OTC: variants seen among roughly 807,000 people sequenced by gnomAD.
The protein encoded by OTC is ornithine transcarbamylase, mitochondrial.
In OTC, 3 loss-of-function variants were observed where a neutral mutation model predicts 30.3. The ratio of observed to expected loss-of-function variants is 0.10; its 90% confidence interval spans 0.05 to 0.26. The LOEUF (loss-of-function observed/expected upper bound fraction) is 0.26, where lower values mean the gene tolerates loss of function less well. Ranked by LOEUF, OTC falls within the 10% of genes least tolerant of loss-of-function variation. The pLI is 1.00. For synonymous variants in OTC, 111 were observed against 99.7 expected (o/e 1.11, Z -0.67); for missense variants, 194 against 260.3 (o/e 0.75, Z 1.75).
At chrX:38,383,758 A>G (rs1365001575) in intron 4 of OTC, among the ~76,000 whole-genome samples, 1 of 108,703 alleles carries the variant, frequency 9.2e-6, no homozygotes, top group Non-Finnish European at 1.9e-5. Context: ...AGATAGCGCC[A>G]TTGCACTCCA....
chrX:38,371,450 C>A (rs1602016465), intron 3 of OTC, among the ~76,000 whole-genome samples: 1 of 111,424 alleles, frequency 9.0e-6, no homozygotes. Context: ...GAGGAAGTAC[C>A]GCAAACAAAA....
the OTC span, among the ~76,000 whole-genome samples, chrX:38,344,032 T>C: frequency 9.0e-6 from 1 of 111,245 alleles, no homozygotes; most frequent in African/African-American, 3.3e-5. Flanking sequence ...ACCATTACCA[T>C]CTGTTAATTA....
intron 1 of OTC, among the ~76,000 whole-genome samples, chrX:38,366,554 C>G (rs1050482597): frequency 1.8e-5 from 2 of 111,776 alleles, no homozygotes; most frequent in African/African-American, 6.5e-5. Flanking sequence ...TAAAAGTTAT[C>G]AAATACTTAT....
chrX:38,391,873 T>C (rs1429512463), intron 4 of OTC, among the ~76,000 whole-genome samples: 1 of 111,496 alleles, frequency 9.0e-6, no homozygotes, highest in Admixed American at 9.6e-5. Flanking sequence ...TGAATGATAT[T>C]TTGTCTGATT....
At chrX:38,357,970 C>T (rs1280806853) in intron 1 of OTC, among the ~76,000 whole-genome samples, 3 of 111,769 alleles carry the variant, frequency 2.7e-5, no homozygotes, top group Non-Finnish European at 5.6e-5. Flanking sequence ...TATCCTCCCT[C>T]TTATGTGCAG....
At chrX:38,379,697 C>T (rs1486896816) in intron 3 of OTC, among the ~76,000 whole-genome samples, 3 of 109,807 alleles carry the variant, frequency 2.7e-5, no homozygotes, top group African/African-American at 1.0e-4. Context: ...TGCAGTGGCG[C>T]GATCTCACTG....
downstream of OTC, among the ~76,000 whole-genome samples, chrX:38,422,920 G>A (rs1250482816): frequency 8.9e-6 from 1 of 111,751 alleles, no homozygotes; most frequent in Non-Finnish European, 1.9e-5. Context: ...AATAAATCCT[G>A]TCACCTAATA....
At chrX:38,407,715 C>A (rs895756970) in intron 6 of OTC, among the ~76,000 whole-genome samples, 2 of 111,796 alleles carry the variant, frequency 1.8e-5, no homozygotes, top group Non-Finnish European at 3.8e-5. Flanking sequence ...GGCTTTCCTG[C>A]AGCAAGATGT....
the OTC span, among the ~76,000 whole-genome samples, chrX:38,343,484 G>T: frequency 8.9e-6 from 1 of 112,224 alleles, no homozygotes; most frequent in African/African-American, 3.2e-5. Context: ...AGAGAACCTC[G>T]TGCTTTGCAT....
chrX:38,389,950 A>G (rs1224151132), intron 4 of OTC, among the ~76,000 whole-genome samples: 1 of 112,059 alleles, frequency 8.9e-6, no homozygotes, highest in Non-Finnish European at 1.9e-5. Flanking sequence ...GATCTAACCC[A>G]ATCTCAAGAC....
chrX:38,330,646 T>C, the OTC span, among the ~76,000 whole-genome samples: 5 of 112,127 alleles, frequency 4.5e-5, no homozygotes, highest in Non-Finnish European at 9.4e-5. Context: ...GTGTGGACCC[T>C]TGAGGGTCCC....
In OTC at chrX:38,370,711, A is replaced by G. The variant is rs1240561362; in HGVS notation, c.298+834A>G. Among the ~76,000 whole-genome samples, 10 of 109,932 alleles carry G rather than the reference A, an allele frequency of 9.1e-5. No individual in the cohort carries two copies. In the Admixed American group the frequency reaches 9.7e-4, roughly 11 times the overall value. ...GAGAGGCGGGAAGACAACTAGCAGG[A>G]CTCTTGCTCTGCTGAGAGTCCCTGT... On this transcript the variant is annotated intron_variant, in intron 3 of 9. Transcript: ENST00000039007.
chrX:38,349,046 AAAG>A (rs1031928807), upstream of OTC, among the ~76,000 whole-genome samples: 2 of 111,470 alleles, frequency 1.8e-5, no homozygotes, highest in Non-Finnish European at 3.8e-5. Flanking sequence ...GCCAGGGGGA[AAAG>A]AAGAAGAAGC....
At chrX:38,332,523 T>TATATATATATATATATATATATAC in the OTC span, among the ~76,000 whole-genome samples, 236 of 86,342 alleles carry the variant, frequency 2.7e-3, 2 homozygotes, top group African/African-American at 7.2e-3. Flanking sequence ...TATATATATA[T>TATATATATATATATATATATATAC]ATATATATAT....
the OTC span, among the ~76,000 whole-genome samples, chrX:38,344,647 G>C: frequency 9.0e-6 from 1 of 111,422 alleles, no homozygotes; most frequent in Non-Finnish European, 1.9e-5. Flanking sequence ...CATAGGGAGA[G>C]AATCTTTGTT....
chrX:38,420,383 G>A (rs1421095711), intron 9 of OTC, among the ~76,000 whole-genome samples: 3 of 111,422 alleles, frequency 2.7e-5, no homozygotes, highest in Non-Finnish European at 5.7e-5. Context: ...ATGGTACTTA[G>A]TATTCTATCT....
At position 38,401,431 on chromosome X, in the gene OTC, T is replaced by G; in HGVS notation, c.540+3T>G. 8.3e-7 allele frequency: 1 copy of G among 1,199,477 alleles called. No homozygotes were observed. Among genetic ancestry groups the G allele is most frequent in the African/African-American group, 1.7e-5 (1 of 57,654 alleles). ...TGGCTGATTACCTCACGCTCCAGGT[T>G]GGTTTATTTATTTGTCTTACAAAAG... On this transcript the variant is annotated splice_donor_region_variant and intron_variant, in intron 5 of 9. Transcript: ENST00000039007.
At chrX:38,386,049 T>C (rs2147333113) in intron 4 of OTC, among the ~76,000 whole-genome samples, 1 of 108,553 alleles carries the variant, frequency 9.2e-6, no homozygotes, top group East Asian at 2.9e-4. Flanking sequence ...ATCCTGCCAC[T>C]GCACTCCAGC....
intron 4 of OTC, among the ~76,000 whole-genome samples, chrX:38,391,501 A>G (rs747579480): frequency 8.9e-6 from 1 of 111,942 alleles, no homozygotes; most frequent in East Asian, 2.8e-4. Context: ...ACTGAGAATT[A>G]TCTTTGAAAT....
Sources: gnomAD v4.1 joint callset for allele counts (sites outside exome capture counted in the v4.1 genomes callset) on GRCh38, gnomAD v4.1.1 for gene constraint, MANE v1.5 for transcripts, NCBI Gene and HGNC (gene_info 2026-07-23, HGNC 2026-07-21) for gene names.